Variants in PDE1C observed in about 807,000 individuals in gnomAD.
PDE1C encodes phosphodiesterase 1C.
PDE1C carries 62 observed loss-of-function variants against 93.1 expected under a neutral mutation model. The observed-to-expected ratio is 0.67, with a 90% confidence interval of 0.54 to 0.82. The LOEUF (loss-of-function observed/expected upper bound fraction) is 0.82. PDE1C is among the 40% of genes least tolerant of loss of function. The pLI is 0.00. For synonymous variants in PDE1C, 325 were observed against 310.1 expected (o/e 1.05, Z -0.50); for missense variants, 742 against 884.6 (o/e 0.84, Z 2.04).
At chr7:31,696,704 T>C in the PDE1C span, among the ~76,000 whole-genome samples, 1 of 152,208 alleles carries the variant, frequency 6.6e-6, no homozygotes, top group African/African-American at 2.4e-5. Context: ...AGCTTTGTGA[T>C]GGTGGCCATA....
chr7:31,875,231 T>C (rs1796396145), intron 5 of PDE1C, among the ~76,000 whole-genome samples: 7 of 152,160 alleles, frequency 4.6e-5, no homozygotes, highest in Admixed American at 4.6e-4. Flanking sequence ...TTTTTAATCC[T>C]AGTGTCCAGA....
intron 3 of PDE1C, among the ~76,000 whole-genome samples, chr7:32,077,028 A>G (rs540656475): frequency 6.6e-6 from 1 of 152,136 alleles, no homozygotes; most frequent in African/African-American, 2.4e-5. Flanking sequence ...CCTGAGGTCA[A>G]GAGTTCAAGG....
chr7:32,327,662 C>T (rs1362584144), intron 1 of PDE1C, among the ~76,000 whole-genome samples: 1 of 151,062 alleles, frequency 6.6e-6, no homozygotes. Context: ...CCCAGCTACT[C>T]AGGAGGCTGA....
At chr7:32,136,330 G>A (rs1351559043) in intron 3 of PDE1C, among the ~76,000 whole-genome samples, 1 of 151,494 alleles carries the variant, frequency 6.6e-6, no homozygotes, top group Non-Finnish European at 1.5e-5. Flanking sequence ...AAAAATTAAT[G>A]CATTTTTATT....
chr7:32,311,315 T>G (rs1057260557), intron 1 of PDE1C, among the ~76,000 whole-genome samples: 24 of 152,336 alleles, frequency 1.6e-4, no homozygotes, highest in South Asian at 4.1e-4. Flanking sequence ...AGCCGAATTC[T>G]ACCAGAGGTA....
chr7:32,028,498 T>C (rs1789793335), intron 2 of PDE1C, among the ~76,000 whole-genome samples: 1 of 152,132 alleles, frequency 6.6e-6, no homozygotes, highest in African/African-American at 2.4e-5. Flanking sequence ...CAGTTTCTTA[T>C]TGTTATTATT....
the PDE1C span, chr7:31,651,232 C>T: frequency 6.2e-7 from 1 of 1,613,544 alleles, no homozygotes; most frequent in Non-Finnish European, 8.5e-7. Context: ...TATGGGACAG[C>T]AGGCCCTCTT....
chr7:32,311,842 C>T (rs1339329367), intron 1 of PDE1C, among the ~76,000 whole-genome samples: 1 of 152,286 alleles, frequency 6.6e-6, no homozygotes, highest in Admixed American at 6.5e-5. Context: ...TTAAAACTGG[C>T]ACAAGACAGG....
chr7:32,002,336 C>G (rs2058543), intron 2 of PDE1C, among the ~76,000 whole-genome samples: 1 of 151,900 alleles, frequency 6.6e-6, no homozygotes, highest in Non-Finnish European at 1.5e-5. Flanking sequence ...AGTCCTGCTA[C>G]CCAGCCAAAG....
At chr7:31,969,060 T>G (rs7456545) in intron 2 of PDE1C, among the ~76,000 whole-genome samples, 2 of 151,966 alleles carry the variant, frequency 1.3e-5, no homozygotes, top group Admixed American at 1.3e-4. Context: ...CCATTCAGGA[T>G]ATAGGCATGG....
At chr7:32,315,561 G>T (rs925212318) in intron 1 of PDE1C, among the ~76,000 whole-genome samples, 1 of 152,012 alleles carries the variant, frequency 6.6e-6, no homozygotes, top group Non-Finnish European at 1.5e-5. Context: ...CAGGAACATT[G>T]GTTATAATTT....
At chr7:31,789,391 A>G (rs967614118) in intron 16 of PDE1C, 1 of 152,448 alleles carries the variant, frequency 6.6e-6, no homozygotes, top group Non-Finnish European at 1.5e-5. Flanking sequence ...CACTTTACTG[A>G]ATAAAAAGAA....
intron 2 of PDE1C, among the ~76,000 whole-genome samples, chr7:31,983,393 C>G (rs917183876): frequency 6.6e-6 from 1 of 152,126 alleles, no homozygotes; most frequent in Non-Finnish European, 1.5e-5. Flanking sequence ...ATATCCAGCC[C>G]TCATTTAAGA....
intron 2 of PDE1C, among the ~76,000 whole-genome samples, chr7:31,929,118 A>G (rs975462070): frequency 2.0e-5 from 3 of 152,130 alleles, no homozygotes; most frequent in Admixed American, 6.5e-5. Context: ...AAGCAAAAAA[A>G]AAAAGCAGGG....
intron 3 of PDE1C, among the ~76,000 whole-genome samples, chr7:32,088,262 C>T (rs958585238): frequency 6.6e-6 from 1 of 151,856 alleles, no homozygotes; most frequent in Non-Finnish European, 1.5e-5. Context: ...AAAAGACTTC[C>T]GAAAATGTAG....
chr7:31,743,288 G>A, the PDE1C span, among the ~76,000 whole-genome samples: 1 of 152,076 alleles, frequency 6.6e-6, no homozygotes, highest in African/African-American at 2.4e-5. Context: ...TCTTATGCCA[G>A]CCTCCTAGTT....
chr7:32,310,256 C>A (rs559024732), intron 1 of PDE1C, among the ~76,000 whole-genome samples: 39 of 151,858 alleles, frequency 2.6e-4, no homozygotes, highest in South Asian at 6.3e-4. Context: ...TAAAGCAAGT[C>A]CTGAGTGACC....
intron 6 of PDE1C, among the ~76,000 whole-genome samples, chr7:31,868,532 C>A (rs1393065876): frequency 2.0e-5 from 3 of 152,024 alleles, no homozygotes; most frequent in Admixed American, 6.6e-5. Context: ...TAAACAAAGC[C>A]TATGTGGCGA....
intron 5 of PDE1C, among the ~76,000 whole-genome samples, chr7:31,874,959 C>T (rs1410923207): frequency 6.6e-6 from 1 of 152,176 alleles, no homozygotes; most frequent in South Asian, 2.1e-4. Flanking sequence ...TCACCAATGA[C>T]CCTTAATGAT....
Sources: allele counts gnomAD v4.1 joint callset (sites outside exome capture counted in the v4.1 genomes callset), GRCh38; gene constraint gnomAD v4.1.1; transcripts MANE v1.5; gene names NCBI Gene and HGNC (gene_info 2026-07-23, HGNC 2026-07-21).